Variants in CDH20 observed in about 807,000 individuals in gnomAD.
CDH20 encodes the protein cadherin-20.
Under a neutral mutation model 74.2 loss-of-function variants are expected in CDH20, and 29 were observed. The observed-to-expected ratio is 0.39, with a 90% CI of 0.29 to 0.53. The LOEUF is 0.53. Ranked by LOEUF, CDH20 falls within the 20% of genes least tolerant of loss-of-function variation. CDH20 has a pLI of 0.69. For missense variants in CDH20, 988 were observed against 1,048.3 expected, an observed-to-expected ratio of 0.94 and a Z score of 0.79; for synonymous variants, 469 against 405.4, an observed-to-expected ratio of 1.16 and a Z score of -1.88.
At chr18:61,370,612 T>C (rs1384422552) in intron 1 of CDH20, among the ~76,000 whole-genome samples, 2 of 152,094 alleles carry the variant, frequency 1.3e-5, no homozygotes, top group African/African-American at 4.8e-5. Flanking sequence ...AAAGTTATTA[T>C]TTTCATGTTT....
intron 1 of CDH20, among the ~76,000 whole-genome samples, chr18:61,480,137 C>T (rs1910536426): frequency 6.6e-6 from 1 of 152,096 alleles, no homozygotes; most frequent in Admixed American, 6.6e-5. Context: ...TGGAGGCTGA[C>T]CTTGAAAAGA....
intron 1 of CDH20, among the ~76,000 whole-genome samples, chr18:61,421,145 G>C (rs752051557): frequency 1.3e-5 from 2 of 152,138 alleles, no homozygotes; most frequent in Non-Finnish European, 2.9e-5. Context: ...AATAGCTAAC[G>C]ATTAAACTTG....
chr18:61,427,015 CA>C (rs1913093342), intron 1 of CDH20, among the ~76,000 whole-genome samples: 1 of 151,984 alleles, frequency 6.6e-6, no homozygotes. Flanking sequence ...CAGAGCAAAT[CA>C]GGGGTCAGAA....
At chr18:61,477,539 AC>A (rs1050985724) in intron 1 of CDH20, among the ~76,000 whole-genome samples, 4 of 152,242 alleles carry the variant, frequency 2.6e-5, no homozygotes, top group African/African-American at 9.6e-5. Context: ...CAGGTTTAAA[AC>A]CAATTCTCTA....
intron 1 of CDH20, among the ~76,000 whole-genome samples, chr18:61,349,352 A>C (rs1910229984): frequency 6.6e-6 from 1 of 152,198 alleles, no homozygotes; most frequent in Non-Finnish European, 1.5e-5. Flanking sequence ...TTGAAATTCT[A>C]ATTTACAGGC....
At chr18:61,544,915 C>T in intron 9 of CDH20, 112 bp from the exon 10 acceptor site, 1 of 727,660 alleles carries the variant, frequency 1.4e-6, no homozygotes. Context: ...CAATGATATC[C>T]TTCTCATAAG....
intron 1 of CDH20, among the ~76,000 whole-genome samples, chr18:61,441,669 C>A (rs1001996173): frequency 3.3e-5 from 5 of 152,156 alleles, no homozygotes; most frequent in Admixed American, 3.3e-4. Flanking sequence ...TTTGATAGTA[C>A]TCAGCTTTGG....
intron 2 of CDH20, among the ~76,000 whole-genome samples, chr18:61,496,138 T>C (rs114946479): frequency 4.0e-4 from 7 of 17,372 alleles, no homozygotes; most frequent in Non-Finnish European, 7.0e-4. Context: ...CTCTCCTCCC[T>C]TCCTCTCCTC....
rs558660299 is a variant in CDH20, at chr18:61,496,284, T to TCCTTTCTCTCCCCTCCTC, written c.247-2888_247-2871dup. Among the ~76,000 whole-genome samples, 193 of 102,070 alleles carry TCCTTTCTCTCCCCTCCTC rather than the reference T, an allele frequency of 1.9e-3. 2 individuals carry two copies. The highest frequency in any genetic ancestry group is 7.4e-3 in the African/African-American group (189 of 25,500). 67.0% of individuals were successfully genotyped at this position (102,070 alleles called of 152,430 possible). ...TTCCTCTCCCTTCCTTTCCCTTCCC[T>TCCTTTCTCTCCCCTCCTC]CCTTTCTCTCCCCTCCTCCCTTTCT... On this transcript the variant is annotated intron_variant, in intron 2 of 11. Coordinates refer to ENST00000262717, the MANE Select transcript of CDH20 (RefSeq NM_031891.4).
intron 1 of CDH20, among the ~76,000 whole-genome samples, chr18:61,361,216 G>C (rs969150544): frequency 6.6e-6 from 1 of 152,174 alleles, no homozygotes; most frequent in Non-Finnish European, 1.5e-5. Flanking sequence ...TGGTAACAGA[G>C]CTAGGGGGAA....
intron 6 of CDH20, among the ~76,000 whole-genome samples, chr18:61,508,212 A>C (rs1911647923): frequency 6.6e-6 from 1 of 152,248 alleles, no homozygotes; most frequent in Admixed American, 6.5e-5. Context: ...ATATCTAATG[A>C]AATACATTAA....
intron 1 of CDH20, among the ~76,000 whole-genome samples, chr18:61,407,801 A>G (rs1007831596): frequency 2.6e-5 from 4 of 152,252 alleles, no homozygotes; most frequent in Non-Finnish European, 5.9e-5. Flanking sequence ...TTATAAAAGG[A>G]AGGCTAAAGA....
intron 1 of CDH20, among the ~76,000 whole-genome samples, chr18:61,475,924 C>G (rs1910364721): frequency 6.6e-6 from 1 of 152,166 alleles, no homozygotes; most frequent in Non-Finnish European, 1.5e-5. Flanking sequence ...TTCTTACCCC[C>G]TTCTAAATGC....
At chr18:61,494,907 T>G (rs954066588) in intron 2 of CDH20, among the ~76,000 whole-genome samples, 1 of 152,194 alleles carries the variant, frequency 6.6e-6, no homozygotes, top group African/African-American at 2.4e-5. Context: ...CAAGGTACTC[T>G]GAAAGATGAC....
intron 1 of CDH20, among the ~76,000 whole-genome samples, chr18:61,358,056 G>A (rs1181851404): frequency 6.6e-6 from 1 of 151,434 alleles, no homozygotes; most frequent in East Asian, 1.9e-4. Flanking sequence ...AATCCCTTCA[G>A]TGAACATAGT....
chr18:61,495,842 G>A (rs1265457227), intron 2 of CDH20, among the ~76,000 whole-genome samples: 1 of 152,146 alleles, frequency 6.6e-6, no homozygotes, highest in East Asian at 1.9e-4. Context: ...CCAGGTGTGA[G>A]TTTTGTTCCC....
intron 6 of CDH20, among the ~76,000 whole-genome samples, chr18:61,514,454 C>T (rs1416946968): frequency 6.6e-6 from 1 of 152,152 alleles, no homozygotes; most frequent in Non-Finnish European, 1.5e-5. Context: ...AATGTCCTCC[C>T]TTAGCTCAGA....
intron 1 of CDH20, among the ~76,000 whole-genome samples, chr18:61,361,993 T>C (rs1910708365): frequency 6.6e-6 from 1 of 152,148 alleles, no homozygotes; most frequent in African/African-American, 2.4e-5. Context: ...TGTTAGTTAT[T>C]AATCTCCATT....
intron 1 of CDH20, among the ~76,000 whole-genome samples, chr18:61,425,470 G>A (rs1350849471): frequency 6.6e-6 from 1 of 152,186 alleles, no homozygotes; most frequent in Non-Finnish European, 1.5e-5. Flanking sequence ...CTCAGACGGT[G>A]GTACCAAGGT....
Sources: allele counts gnomAD v4.1 joint callset (sites outside exome capture counted in the v4.1 genomes callset), GRCh38; gene constraint gnomAD v4.1.1; transcripts MANE v1.5; gene names NCBI Gene and HGNC (gene_info 2026-07-23, HGNC 2026-07-21).